Variants in RSBN1L observed in about 807,000 individuals in gnomAD.
RSBN1L encodes the protein round spermatid basic protein 1 like.
A neutral mutation model predicts 67.7 loss-of-function variants in RSBN1L; 30 were observed. The observed-to-expected ratio is 0.44, with a 90% CI of 0.33 to 0.60. The LOEUF is 0.60. RSBN1L is among the 20% of genes least tolerant of loss of function. The pLI, the probability that RSBN1L is intolerant of heterozygous loss-of-function variation, is 0.02. For missense variants in RSBN1L, 992 were observed against 1,031.7 expected, an observed-to-expected ratio of 0.96 and a Z score of 0.53; for synonymous variants, 433 against 387.0, an observed-to-expected ratio of 1.12 and a Z score of -1.39.
intron 5 of RSBN1L, among the ~76,000 whole-genome samples, chr7:77,769,492 G>C (rs1212863296): frequency 1.3e-5 from 2 of 152,182 alleles, no homozygotes; most frequent in Admixed American, 6.5e-5. Flanking sequence ...AAGTAAATTA[G>C]AGAATTAAGC....
At chr7:77,740,899 C>A (rs140646379) in intron 2 of RSBN1L, among the ~76,000 whole-genome samples, 1 of 151,286 alleles carries the variant, frequency 6.6e-6, no homozygotes, top group Non-Finnish European at 1.5e-5. Context: ...ACGTGTGTAT[C>A]TGTGGTACTT....
intron 1 of RSBN1L, among the ~76,000 whole-genome samples, chr7:77,734,962 C>A (rs1187131667): frequency 6.6e-6 from 1 of 151,334 alleles, no homozygotes; most frequent in Admixed American, 6.6e-5. Flanking sequence ...TCCCCTGTAT[C>A]CCTAATCTTT....
intron 1 of RSBN1L, among the ~76,000 whole-genome samples, chr7:77,720,232 A>T (rs1005981841): frequency 2.2e-4 from 33 of 152,280 alleles, no homozygotes; most frequent in Non-Finnish European, 1.2e-4. Context: ...TATTGTGCAT[A>T]GTGTTGGAAA....
intron 5 of RSBN1L, among the ~76,000 whole-genome samples, chr7:77,770,672 A>G (rs1208325988): frequency 6.6e-6 from 1 of 152,078 alleles, no homozygotes; most frequent in Non-Finnish European, 1.5e-5. Context: ...CAGAACCAGA[A>G]CCTATCTCTT....
chr7:77,736,349 G>A (rs1272998354), intron 1 of RSBN1L, 61 bp from the exon 2 acceptor site: 2 of 810,222 alleles, frequency 2.5e-6, no homozygotes, highest in African/African-American at 3.7e-5. Context: ...CCTATAGTTT[G>A]TGCAGATAAA....
At chr7:77,734,437 T>C (rs530539035) in intron 1 of RSBN1L, among the ~76,000 whole-genome samples, 1 of 152,274 alleles carries the variant, frequency 6.6e-6, no homozygotes, top group East Asian at 1.9e-4. Flanking sequence ...GTTAGAAGTT[T>C]AGTTACTTAG....
chr7:77,770,087 G>T lies in RSBN1L; in HGVS notation c.1625+1284G>T, dbSNP rs530419873. The stretch of plus-strand genomic sequence containing the variant: ...TCATACATTCTTATTGAAGAGTATA[G>T]TTAGGCCGGGTGCAGTGGCTCACGC... On this transcript the variant is annotated intron_variant, in intron 5 of 7. Coordinates refer to ENST00000334955, the MANE Select transcript of RSBN1L (RefSeq NM_198467.3). Among the ~76,000 whole-genome samples, 26 of 152,272 alleles carry T rather than the reference G, an allele frequency of 1.7e-4. 1 individual carries two copies. Among genetic ancestry groups the T allele is most frequent in the Admixed American group, 1.4e-3 (22 of 15,294 alleles).
At chr7:77,697,157 C>CCGGCCTG (rs1790748161) in intron 1 of RSBN1L, 102 bp downstream of exon 1, 1 of 1,255,658 alleles carries the variant, frequency 8.0e-7, no homozygotes. Flanking sequence ...GCCGCGTGCG[C>CCGGCCTG]CGGCCTGGAG....
At chr7:77,754,133 C>T (rs978286162) in intron 3 of RSBN1L, among the ~76,000 whole-genome samples, 6 of 152,152 alleles carry the variant, frequency 3.9e-5, no homozygotes, top group African/African-American at 1.4e-4. Context: ...AGATTCCTGG[C>T]CTCAAGTGAT....
At chr7:77,703,477 GTTTTTTTTTTTTTTTTT>G (rs71529102) in intron 1 of RSBN1L, among the ~76,000 whole-genome samples, 10 of 61,574 alleles carry the variant, frequency 1.6e-4, no homozygotes, top group South Asian at 7.7e-4. Context: ...TACTGTTTGG[GTTTTTTTTTTTTTTTTT>G]TTTTTTTTTT....
rs1357837313 is a variant in RSBN1L, at chr7:77,782,783, T to A, written c.*3615T>A. On this transcript the variant is annotated 3_prime_UTR_variant, in exon 8 of 8. Coordinates refer to ENST00000334955, the MANE Select transcript of RSBN1L (RefSeq NM_198467.3). ...TGTCGTTAAGGTATTTCATTAGTGT[T>A]CCTGAGTGTAAAACAGTTTTTTCCC... The A allele has an allele frequency of 6.6e-6, 1 of 152,230 alleles. No homozygotes were observed. The highest frequency in any genetic ancestry group is 2.4e-5 in the African/African-American group (1 of 41,464). The allele number at this position is 152,230 out of a possible 1,614,324, so 9.4% of individuals were successfully genotyped here.
chr7:77,710,827 C>T (rs1437287958), intron 1 of RSBN1L, among the ~76,000 whole-genome samples: 1 of 151,960 alleles, frequency 6.6e-6, no homozygotes, highest in Non-Finnish European at 1.5e-5. Context: ...AACTCCTGAC[C>T]TCAAGTGATA....
At chr7:77,721,490 A>T (rs1179982673) in intron 1 of RSBN1L, among the ~76,000 whole-genome samples, 1 of 152,138 alleles carries the variant, frequency 6.6e-6, no homozygotes, top group Non-Finnish European at 1.5e-5. Flanking sequence ...TAGAAGAGGG[A>T]GGAGGAGGAT....
intron 2 of RSBN1L, among the ~76,000 whole-genome samples, chr7:77,737,663 C>T (rs1393563910): frequency 6.6e-6 from 1 of 152,056 alleles, no homozygotes; most frequent in African/African-American, 2.4e-5. Flanking sequence ...AGATTGTAAG[C>T]CTTTGAGGCA....
Position 77,782,471 on chromosome 7 carries a change from G to C in RSBN1L, c.*3303G>C, listed in dbSNP as rs1178825968. 6.6e-6 allele frequency: 1 copy of C among 152,076 alleles called. No homozygotes were observed. The highest frequency in any genetic ancestry group is 2.4e-5 in the African/African-American group (1 of 41,408). 9.4% of individuals were successfully genotyped at this position (152,076 alleles called of 1,614,324 possible). ...CTAAATAATACGTATTCCATACTCA[G>C]GATAGCTGGTTAGCTAGCAAAAGAA... On this transcript the variant is annotated 3_prime_UTR_variant, in exon 8 of 8. Transcript: ENST00000334955.
chr7:77,720,226 G>A (rs2150415817), intron 1 of RSBN1L, among the ~76,000 whole-genome samples: 1 of 152,248 alleles, frequency 6.6e-6, no homozygotes, highest in South Asian at 2.1e-4. Context: ...ATTAGGTATT[G>A]TGCATAGTGT....
At chr7:77,766,250 T>C (rs1184627421) in intron 4 of RSBN1L, among the ~76,000 whole-genome samples, 1 of 152,226 alleles carries the variant, frequency 6.6e-6, no homozygotes, top group Non-Finnish European at 1.5e-5. Flanking sequence ...TGGAGTGTAG[T>C]GGTGTAATGT....
intron 6 of RSBN1L, among the ~76,000 whole-genome samples, chr7:77,777,711 T>G (rs866446296): frequency 2.6e-5 from 4 of 152,110 alleles, no homozygotes; most frequent in South Asian, 2.1e-4. Flanking sequence ...TTATGTTGTT[T>G]GGAATTTTAT....
At chr7:77,711,007 T>A (rs1790966847) in intron 1 of RSBN1L, among the ~76,000 whole-genome samples, 1 of 152,212 alleles carries the variant, frequency 6.6e-6, no homozygotes, top group African/African-American at 2.4e-5. Context: ...GGATACATAT[T>A]TGGGAACTGA....
Sources: gnomAD v4.1 joint callset for allele counts (sites outside exome capture counted in the v4.1 genomes callset) on GRCh38, gnomAD v4.1.1 for gene constraint, MANE v1.5 for transcripts, NCBI Gene and HGNC (gene_info 2026-07-23, HGNC 2026-07-21) for gene names.